P2RY14: variants seen among roughly 807,000 people sequenced by gnomAD.
P2RY14 encodes the protein P2Y purinoceptor 14.
In P2RY14, 2 loss-of-function variants were observed where a neutral mutation model predicts 0.9. The observed-to-expected ratio is 2.16, with a 90% CI of 0.88 to 6.79. The LOEUF is 6.79. Ranked by LOEUF, P2RY14 falls within the 30% of genes most tolerant of loss-of-function variation. The probability of loss-of-function intolerance (pLI) is 0.05; values close to 1 mark genes in which losing one functional copy is unlikely to be tolerated. For missense variants in P2RY14, 378 were observed against 400.1 expected (o/e 0.94, Z 0.47); for synonymous variants, 158 against 147.2 (o/e 1.07, Z -0.53).
intron 1 of P2RY14, among the ~76,000 whole-genome samples, chr3:151,237,045 CTTTT>C (rs56926535): frequency 1.6e-5 from 2 of 125,876 alleles, no homozygotes; most frequent in South Asian, 2.6e-4. Flanking sequence ...TGATGCCAAA[CTTTT>C]TTTTTTTTTT....
chr3:151,220,888 G>C (rs879020907), intron 1 of P2RY14, among the ~76,000 whole-genome samples: 1 of 152,206 alleles, frequency 6.6e-6, no homozygotes, highest in Non-Finnish European at 1.5e-5. Context: ...CTTTGGAACT[G>C]GGCAACAGGC....
At chr3:151,242,568 A>G (rs1050965833) in intron 1 of P2RY14, among the ~76,000 whole-genome samples, 1 of 152,228 alleles carries the variant, frequency 6.6e-6, no homozygotes, top group Non-Finnish European at 1.5e-5. Flanking sequence ...TGTCTGTTAC[A>G]AGGAAAACTA....
At chr3:151,218,851 A>G (rs1728751523) in intron 2 of P2RY14, among the ~76,000 whole-genome samples, 1 of 132,548 alleles carries the variant, frequency 7.5e-6, no homozygotes, top group Non-Finnish European at 1.6e-5. Context: ...TGGGTGACAG[A>G]GCAAGACTCA....
chr3:151,219,133 A>G (rs999886162), intron 2 of P2RY14, among the ~76,000 whole-genome samples: 6 of 152,188 alleles, frequency 3.9e-5, no homozygotes, highest in South Asian at 2.1e-4. Context: ...AAGAATGTCA[A>G]TGCCAAAGAT....
Position 151,275,480 on chromosome 3 carries a change from C to T in P2RY14, c.-133+2807G>A, listed in dbSNP as rs562846388. Among the ~76,000 whole-genome samples, 89 of 151,962 alleles carry T rather than the reference C, an allele frequency of 5.9e-4. 1 individual carries two copies. The South Asian group carries it at 0.016, about 27-fold the overall frequency. The stretch of plus-strand genomic sequence containing the variant: ...AAAAAGCTAGCAATTTAATTTATAC[C>T]GAGTAAAGACAAAAATTTCAAAGGA... On this transcript the variant is annotated intron_variant, in intron 1 of 2. Coordinates refer to ENST00000309170, the MANE Select transcript of P2RY14 (RefSeq NM_014879.4).
At chr3:151,246,138 A>G (rs1017116210) in intron 1 of P2RY14, among the ~76,000 whole-genome samples, 1 of 152,218 alleles carries the variant, frequency 6.6e-6, no homozygotes, top group Non-Finnish European at 1.5e-5. Flanking sequence ...AACAAATGGA[A>G]GAACATTCCA....
At chr3:151,271,683 C>T (rs1740975588) in intron 1 of P2RY14, among the ~76,000 whole-genome samples, 3 of 152,232 alleles carry the variant, frequency 2.0e-5, no homozygotes, top group Middle Eastern at 6.8e-3. Flanking sequence ...GAGGATGATG[C>T]GGGCCCACAA....
chr3:151,273,590 C>T (rs1250557650), intron 1 of P2RY14, among the ~76,000 whole-genome samples: 3 of 151,924 alleles, frequency 2.0e-5, no homozygotes, highest in Non-Finnish European at 4.4e-5. Context: ...ATGTATATAA[C>T]TCATTTAATC....
At chr3:151,264,934 C>T (rs1176714982) in intron 1 of P2RY14, among the ~76,000 whole-genome samples, 1 of 148,944 alleles carries the variant, frequency 6.7e-6, no homozygotes, top group Non-Finnish European at 1.5e-5. Flanking sequence ...CCTTCTTGCT[C>T]TTGCTCCTCC....
rs781719077 is a variant in P2RY14 at position 151,213,526 on chromosome 3, T to C, written c.791A>G (p.His264Arg). 8 of 1,614,062 alleles carry C rather than the reference T, an allele frequency of 5.0e-6. No homozygotes were observed. In the Admixed American group the frequency reaches 6.7e-5, roughly 13 times the overall value. ...GATTTCTTTTGACTGGCAGCTGTAATGAGCTTCGGTCTGACTCTTTGTGTA... is the reference window on the plus strand; with the variant it reads ...GATTTCTTTTGACTGGCAGCTGTAACGAGCTTCGGTCTGACTCTTTGTGTA... ...IPYTKSQTEA[H>R]YSCQSKEILR... Residue 264 changes from histidine to arginine, a missense_variant, in exon 3 of 3, where the codon CAT becomes CGT. Coordinates refer to ENST00000309170, the MANE Select transcript of P2RY14 (RefSeq NM_014879.4).
rs1455383645 is a variant in P2RY14, at chr3:151,213,559, C to T, written c.758G>A (p.Arg253Lys). The change falls in exon 3 of 3, where the codon AGA (arginine) becomes AAA (lysine). Residue 253 changes from arginine (R) to lysine (K), a missense_variant. Coordinates refer to ENST00000309170, the MANE Select transcript of P2RY14 (RefSeq NM_014879.4). ...FVCFVPYHIA[R>K]IPYTKSQTEA... ...GGTCTGACTCTTTGTGTAGGGGATT[C>T]TGGCAATATGGTAAGGTACAAAACA... is the stretch of plus-strand genomic sequence containing the variant. 1.2e-6 allele frequency: 2 copies of T among 1,614,152 alleles called. No homozygotes were observed. Among genetic ancestry groups the T allele is most frequent in the South Asian group, 2.2e-5 (2 of 91,084 alleles).
At chr3:151,260,454 G>A (rs7621113) in intron 1 of P2RY14, among the ~76,000 whole-genome samples, 71,172 of 151,868 alleles carry the variant, frequency 0.47, 16,805 homozygotes, top group Middle Eastern at 0.65. Context: ...GGTTTAAGCA[G>A]TCCTCCCATA....
Position 151,220,610 on chromosome 3 carries a change from C to T in P2RY14, c.-132-968G>A, listed in dbSNP as rs139269015. Among the ~76,000 whole-genome samples the T allele has an allele frequency of 1.5e-3, 221 of 152,322 alleles. 1 individual carries two copies. Among genetic ancestry groups the T allele is most frequent in the African/African-American group, 4.8e-3 (201 of 41,556 alleles). ...TGTTCTTGTGATAGTGAATGGGTCT[C>T]ATGAGATCTGATGGTTTTAAAAACG... On this transcript the variant is annotated intron_variant, in intron 1 of 2. Coordinates refer to ENST00000309170, the MANE Select transcript of P2RY14 (RefSeq NM_014879.4).
Position 151,247,962 on chromosome 3 carries a change from CTTTTTTTTTTT to C in P2RY14, c.-132-28331_-132-28321del, listed in dbSNP as rs61102632. 6.1e-4 allele frequency among the ~76,000 whole-genome samples: 46 copies of C among 75,904 alleles called. No homozygotes were observed. The South Asian group carries it at 0.015, about 25-fold the overall frequency. 49.8% of individuals were successfully genotyped at this position (75,904 alleles called of 152,430 possible). A position where few individuals can be genotyped will look rare whatever the true frequency, so the allele number is the denominator to read the frequency against. On this transcript the variant is annotated intron_variant, in intron 1 of 2. Transcript: ENST00000309170. ...GTTTACTTTCTTTCTTCTTCTTCTT[CTTTTTTTTTTT>C]TTTTTTTTTTTTGCCTGAGAAATAA...
At chr3:151,223,251 A>AT (rs1319277606) in intron 1 of P2RY14, among the ~76,000 whole-genome samples, 5 of 151,918 alleles carry the variant, frequency 3.3e-5, no homozygotes, top group African/African-American at 9.7e-5. Flanking sequence ...GGGATTGTAA[A>AT]TTAGTTCAGT....
At chr3:151,250,350 T>C (rs985208154) in intron 1 of P2RY14, among the ~76,000 whole-genome samples, 2 of 152,216 alleles carry the variant, frequency 1.3e-5, no homozygotes, top group African/African-American at 4.8e-5. Context: ...ATTCACATTG[T>C]TGTGTAACCA....
At chr3:151,261,387 C>G (rs1490157844) in intron 1 of P2RY14, 1 of 152,134 alleles carries the variant, frequency 6.6e-6, no homozygotes, top group Non-Finnish European at 1.5e-5. Flanking sequence ...TGTAGCCTAC[C>G]TGGAATTGTG....
At chr3:151,264,939 T>C (rs1036685310) in intron 1 of P2RY14, among the ~76,000 whole-genome samples, 1 of 132,776 alleles carries the variant, frequency 7.5e-6, no homozygotes, top group Non-Finnish European at 1.5e-5. Flanking sequence ...TTGCTCTTGC[T>C]CCTCCACTTC....
chr3:151,273,108 G>T (rs1346116336), intron 1 of P2RY14, among the ~76,000 whole-genome samples: 5 of 151,974 alleles, frequency 3.3e-5, no homozygotes, highest in Non-Finnish European at 7.4e-5. Context: ...TATGATCAAG[G>T]AATATTCAAC....
Sources: gnomAD v4.1 joint callset for allele counts (sites outside exome capture counted in the v4.1 genomes callset) on GRCh38, gnomAD v4.1.1 for gene constraint, MANE v1.5 for transcripts, NCBI Gene and HGNC (gene_info 2026-07-23, HGNC 2026-07-21) for gene names.